Variants in DNM2 observed in about 807,000 individuals in gnomAD.
DNM2 encodes the protein dynamin-2.
Under a neutral mutation model 99.0 loss-of-function variants are expected in DNM2, and 15 were observed. The observed-to-expected ratio is 0.15, with a 90% CI of 0.10 to 0.23. DNM2 has a LOEUF of 0.23. DNM2 is among the 10% of genes least tolerant of loss of function. The pLI is 1.00. For missense variants in DNM2, 742 were observed against 1,189.4 expected (o/e 0.62, Z 5.53); for synonymous variants, 525 against 481.2 (o/e 1.09, Z -1.19).
chr19:10,792,719 T>C (rs1039219005), intron 7 of DNM2, among the ~76,000 whole-genome samples: 3 of 152,124 alleles, frequency 2.0e-5, no homozygotes, highest in African/African-American at 7.2e-5. Flanking sequence ...GCGGTTCTCC[T>C]GCCTCAGCCT....
intron 10 of DNM2, among the ~76,000 whole-genome samples, chr19:10,798,165 G>A (rs2072005062): frequency 1.3e-5 from 2 of 152,156 alleles, no homozygotes; most frequent in Non-Finnish European, 2.9e-5. Flanking sequence ...CCAGTGCTGG[G>A]CAAGAGGGGG....
intron 1 of DNM2, among the ~76,000 whole-genome samples, chr19:10,737,156 A>G (rs569030405): frequency 8.2e-4 from 124 of 152,112 alleles, no homozygotes; most frequent in South Asian, 7.9e-3. Flanking sequence ...TCCTTCCTCT[A>G]CTTGGAATCC....
Position 10,795,859 on chromosome 19 carries a change from GCTCCA to G in DNM2, c.1196+421_1196+425del. ...CCTCCTTATTCTAACAAAGGTAGTT[GCTCCA>G]GGTGTCTGCCCTTCCATCGCCGTGG... On this transcript the variant is annotated intron_variant, in intron 9 of 20. Transcript: ENST00000389253. This position sits in a 1 kb window ranked among gnomAD's most constrained non-coding sequence, Gnocchi z 4.2. 1.3e-6 allele frequency: 1 copy of G among 747,038 alleles called. No homozygotes were observed. The highest frequency in any genetic ancestry group is 2.3e-6 in the Non-Finnish European group (1 of 441,292). 46.3% of individuals were successfully genotyped at this position (747,038 alleles called of 1,614,324 possible).
At chr19:10,823,585 A>G in intron 16 of DNM2, 1 of 580,352 alleles carries the variant, frequency 1.7e-6, no homozygotes. Flanking sequence ...AAACAAAGAA[A>G]CTCAGACACT....
Position 10,728,710 on chromosome 19 carries a change from G to A in DNM2, c.161+10307G>A, listed in dbSNP as rs532162749. Among the ~76,000 whole-genome samples the A allele has an allele frequency of 1.3e-3, 201 of 152,254 alleles. 1 individual carries two copies. The highest frequency in any genetic ancestry group is 2.7e-3 in the Admixed American group (41 of 15,284). On this transcript the variant is annotated intron_variant, in intron 1 of 20. Transcript: ENST00000389253. ...CACCTGTAATCCCAGCACTTTGAGA[G>A]GCCAAGGCGGGCAGATCACTTGAAG... is the stretch of plus-strand genomic sequence containing the variant.
intron 1 of DNM2, among the ~76,000 whole-genome samples, chr19:10,756,335 A>C (rs1460142166): frequency 1.2e-4 from 16 of 134,136 alleles, no homozygotes; most frequent in African/African-American, 2.3e-4. Context: ...CCTCGCACCC[A>C]CCCCCGTCAG....
chr19:10,771,476 G>A (rs1418768761), intron 2 of DNM2, among the ~76,000 whole-genome samples: 1 of 152,148 alleles, frequency 6.6e-6, no homozygotes, highest in Non-Finnish European at 1.5e-5. Context: ...TGAATAGTCA[G>A]GGGGAGAAAG....
Position 10,830,892 on chromosome 19 carries a change from G to T in DNM2, c.2544-86G>T. 1 of 1,480,696 alleles carries T rather than the reference G, an allele frequency of 6.8e-7. No homozygotes were observed. Among genetic ancestry groups the T allele is most frequent in the Non-Finnish European group, 9.1e-7 (1 of 1,098,490 alleles). The allele number at this position is 1,480,696 out of a possible 1,614,324, so 91.7% of individuals were successfully genotyped here. ...ACACCCTGGGGTGGTGTGTGGGTGG[G>T]GGCTGGGTCCTCAACCCAGGCCTGC... On this transcript the variant is annotated intron_variant, in intron 20 of 20. Transcript: ENST00000389253. The surrounding 1 kb of genome is among the most constrained non-coding windows in gnomAD (Gnocchi z 4.8).
rs1157782824 is a variant in DNM2 at position 10,764,130 on chromosome 19, A to C, written c.235+4319A>C. 6.6e-6 allele frequency among the ~76,000 whole-genome samples: 1 copy of C among 152,178 alleles called. No homozygotes were observed. Among genetic ancestry groups the C allele is most frequent in the Non-Finnish European group, 1.5e-5 (1 of 68,018 alleles). Reference sequence around the variant, plus strand: ...GTATACACCAGACCACGTGGCTCCTAGGGATTGGCAGCTGGCTCTCTGTGA... The same window carrying C: ...GTATACACCAGACCACGTGGCTCCTCGGGATTGGCAGCTGGCTCTCTGTGA... On this transcript the variant is annotated intron_variant, in intron 2 of 20. Transcript: ENST00000389253. This position sits in a 1 kb window ranked among gnomAD's most constrained non-coding sequence, Gnocchi z 4.1.
At chr19:10,749,552 C>T (rs2070120481) in intron 1 of DNM2, among the ~76,000 whole-genome samples, 1 of 152,346 alleles carries the variant, frequency 6.6e-6, no homozygotes, top group African/African-American at 2.4e-5. Flanking sequence ...AAGTGTCCTC[C>T]CATTTCATGG....
At chr19:10,723,758 ACTT>A (rs763940180) in intron 1 of DNM2, among the ~76,000 whole-genome samples, 5 of 152,188 alleles carry the variant, frequency 3.3e-5, no homozygotes, top group African/African-American at 9.6e-5. Flanking sequence ...AGTTACCAGA[ACTT>A]CTGCTCTGGA....
intron 1 of DNM2, among the ~76,000 whole-genome samples, chr19:10,743,556 A>G (rs2069838275): frequency 6.6e-6 from 1 of 151,988 alleles, no homozygotes; most frequent in South Asian, 2.1e-4. Flanking sequence ...CACACCTGTA[A>G]TCCCAGCACT....
rs1167840572 is a variant in DNM2 at position 10,754,412 on chromosome 19, C to T, written c.162-5326C>T. Among the ~76,000 whole-genome samples, 2 of 151,638 alleles carry T rather than the reference C, an allele frequency of 1.3e-5. 1 individual carries two copies. The highest frequency in any genetic ancestry group is 2.9e-5 in the Non-Finnish European group (2 of 67,922). ...GGACTACAGGCACCCTCCACCTCGC[C>T]TGGCTAATTTTTTGTATTTTAGTAG... On this transcript the variant is annotated intron_variant, in intron 1 of 20. Transcript: ENST00000389253.
intron 1 of DNM2, among the ~76,000 whole-genome samples, chr19:10,723,720 T>C (rs1374222390): frequency 8.5e-5 from 13 of 152,358 alleles, no homozygotes; most frequent in South Asian, 6.2e-4. Flanking sequence ...GTACTTTTAC[T>C]GTGTGCCTGG....
At position 10,728,024 on chromosome 19, in the gene DNM2, A is replaced by G. The variant is rs548340706; in HGVS notation, c.161+9621A>G. On this transcript the variant is annotated intron_variant, in intron 1 of 20. Transcript: ENST00000389253. ...CTGCGTCTGAAGCAGGACTGCAAAG[A>G]GAGGAAAGACGCCTGCTTCCGGGTG... Among the ~76,000 whole-genome samples, 81 of 152,316 alleles carry G rather than the reference A, an allele frequency of 5.3e-4. 1 individual carries two copies. Among genetic ancestry groups the G allele is most frequent in the African/African-American group, 1.9e-3 (78 of 41,574 alleles).
At chr19:10,822,007 C>T (rs1399552146) in intron 16 of DNM2, among the ~76,000 whole-genome samples, 1 of 152,190 alleles carries the variant, frequency 6.6e-6, no homozygotes, top group Non-Finnish European at 1.5e-5. Flanking sequence ...ACCCAACTCT[C>T]ACTTAAAGGC....
chr19:10,789,994 G>A (rs1249902386), intron 7 of DNM2, among the ~76,000 whole-genome samples: 1 of 152,202 alleles, frequency 6.6e-6, no homozygotes, highest in East Asian at 1.9e-4. Flanking sequence ...GGCCCTCCCT[G>A]CCCAGGCACT....
intron 2 of DNM2, among the ~76,000 whole-genome samples, chr19:10,762,863 G>A (rs1341341816): frequency 6.6e-6 from 1 of 152,300 alleles, no homozygotes; most frequent in East Asian, 1.9e-4. Flanking sequence ...CCTGGAGGAG[G>A]CAGGAGTAGG....
intron 7 of DNM2, among the ~76,000 whole-genome samples, chr19:10,792,288 C>G (rs2071779936): frequency 6.6e-6 from 1 of 152,132 alleles, no homozygotes; most frequent in South Asian, 2.1e-4. Flanking sequence ...GCAGCCCAGC[C>G]TTGGTGGCCC....
Sources: gnomAD v4.1 joint callset for allele counts (sites outside exome capture counted in the v4.1 genomes callset) on GRCh38, gnomAD v4.1.1 for gene constraint, Gnocchi (gnomAD v3.1) non-coding constraint, MANE v1.5 for transcripts, NCBI Gene and HGNC (gene_info 2026-07-23, HGNC 2026-07-21) for gene names.